Variants in PCSK5 observed in about 807,000 individuals in gnomAD.
The protein encoded by PCSK5 is proprotein convertase subtilisin/kexin type 5.
PCSK5 carries 129 observed loss-of-function variants against 233.2 expected under a neutral mutation model. That is an observed-to-expected ratio of 0.55 (90% CI 0.48 to 0.64). The LOEUF (loss-of-function observed/expected upper bound fraction) is 0.64. Ranked by LOEUF, PCSK5 falls within the 30% of genes least tolerant of loss-of-function variation. The pLI, the probability that PCSK5 is intolerant of heterozygous loss-of-function variation, is 0.00. For missense variants in PCSK5, 2,076 were observed against 2,430.1 expected, an observed-to-expected ratio of 0.85 and a Z score of 3.06; for synonymous variants, 825 against 879.2, an observed-to-expected ratio of 0.94 and a Z score of 1.09.
chr9:76,185,982 A>G lies in PCSK5; in HGVS notation c.2282+1225A>G, dbSNP rs114775590. 3.4e-3 allele frequency among the ~76,000 whole-genome samples: 524 copies of G among 152,354 alleles called. 2 individuals are homozygous for G. Among genetic ancestry groups the G allele is most frequent in the African/African-American group, 0.012 (508 of 41,588 alleles). ...TTTCTTAGGGAACATTGTATAGAGT[A>G]TGTTAAACCAGTGCATGCCGGTAGA... On this transcript the variant is annotated intron_variant, in intron 17 of 37. Coordinates refer to ENST00000674117, the MANE Select transcript of PCSK5 (RefSeq NM_001372043.1).
intron 8 of PCSK5, among the ~76,000 whole-genome samples, chr9:76,105,864 A>G (rs1831957059): frequency 6.6e-6 from 1 of 152,246 alleles, no homozygotes; most frequent in African/African-American, 2.4e-5. Flanking sequence ...AAGGATAGTA[A>G]GAACTTATGG....
At position 76,359,862 on chromosome 9, in the gene PCSK5, A is replaced by T. The variant is rs560220134; in HGVS notation, c.*940A>T. 69 of 152,294 alleles carry T rather than the reference A, an allele frequency of 4.5e-4. No homozygotes were observed. The highest frequency in any genetic ancestry group is 1.7e-3 in the African/African-American group (69 of 41,560). 9.4% of individuals were successfully genotyped at this position (152,294 alleles called of 1,614,324 possible). ...CACAAAACCGTGGACTCTCAATAGA[A>T]AGAGTTGGAATAGAGTCTAACATGG... On this transcript the variant is annotated 3_prime_UTR_variant, in exon 38 of 38. Transcript: ENST00000674117.
intron 10 of PCSK5, among the ~76,000 whole-genome samples, chr9:76,145,561 T>C (rs905374577): frequency 6.6e-6 from 1 of 152,208 alleles, no homozygotes; most frequent in Non-Finnish European, 1.5e-5. Context: ...AGAAACTCTC[T>C]TATTGAAATT....
At chr9:75,996,675 TAAG>T (rs1348014486) in intron 3 of PCSK5, among the ~76,000 whole-genome samples, 4 of 152,216 alleles carry the variant, frequency 2.6e-5, no homozygotes, top group African/African-American at 9.6e-5. Flanking sequence ...TACAACCTTT[TAAG>T]AATTTGCTTG....
chr9:76,210,037 G>C (rs1825270814), intron 20 of PCSK5, among the ~76,000 whole-genome samples: 1 of 152,130 alleles, frequency 6.6e-6, no homozygotes, highest in African/African-American at 2.4e-5. Context: ...TGGGGGACTG[G>C]AAGTCTCTTG....
chr9:76,035,114 ATTC>A (rs1828806202), intron 5 of PCSK5, among the ~76,000 whole-genome samples: 1 of 152,176 alleles, frequency 6.6e-6, no homozygotes, highest in Non-Finnish European at 1.5e-5. Context: ...CCTCGAATAA[ATTC>A]TTCTCAGGTT....
chr9:76,082,572 T>C (rs1360378407), intron 7 of PCSK5, among the ~76,000 whole-genome samples: 1 of 152,128 alleles, frequency 6.6e-6, no homozygotes, highest in East Asian at 1.9e-4. Flanking sequence ...TGTATAATGA[T>C]GAATAAATGT....
intron 20 of PCSK5, among the ~76,000 whole-genome samples, chr9:76,211,895 G>A (rs142514508): frequency 2.6e-5 from 4 of 152,134 alleles, no homozygotes; most frequent in African/African-American, 4.8e-5. Flanking sequence ...CACTTAGGTG[G>A]GTTGATACAA....
At chr9:75,921,582 ATG>A (rs76117177) in intron 1 of PCSK5, among the ~76,000 whole-genome samples, 16,030 of 150,726 alleles carry the variant, frequency 0.11, 1,266 homozygotes, top group African/African-American at 0.22. Flanking sequence ...GTGTGTGTGT[ATG>A]TGTGTGTGTG....
intron 9 of PCSK5, among the ~76,000 whole-genome samples, chr9:76,108,765 G>A (rs1358860237): frequency 1.3e-5 from 2 of 152,084 alleles, no homozygotes. Context: ...GAAAAGAAAA[G>A]AATCATGCTA....
chr9:76,238,721 T>C (rs1218147371), intron 22 of PCSK5, among the ~76,000 whole-genome samples: 4 of 152,202 alleles, frequency 2.6e-5, no homozygotes, highest in South Asian at 2.1e-4. Flanking sequence ...TCCCAGATAG[T>C]AGTCGCTGTT....
intron 10 of PCSK5, among the ~76,000 whole-genome samples, chr9:76,154,354 T>C (rs1216341431): frequency 1.3e-5 from 2 of 152,194 alleles, no homozygotes; most frequent in Admixed American, 1.3e-4. Context: ...TCTACTTAAG[T>C]GGTTAACAGG....
At chr9:76,118,178 C>T (rs557803318) in intron 9 of PCSK5, among the ~76,000 whole-genome samples, 2 of 152,068 alleles carry the variant, frequency 1.3e-5, no homozygotes, top group South Asian at 2.1e-4. Context: ...TCTGAGGAAT[C>T]GTAACATTGG....
At chr9:76,029,051 T>A (rs1828549132) in intron 5 of PCSK5, among the ~76,000 whole-genome samples, 1 of 152,164 alleles carries the variant, frequency 6.6e-6, no homozygotes, top group Non-Finnish European at 1.5e-5. Context: ...TGTCGATCAC[T>A]CTGGCTTCTT....
intron 2 of PCSK5, among the ~76,000 whole-genome samples, chr9:75,965,983 C>T (rs7868764): frequency 0.021 from 3,169 of 152,204 alleles, 72 homozygotes; most frequent in African/African-American, 0.041. Context: ...ATCAGGGACA[C>T]ATTATAGACA....
intron 2 of PCSK5, among the ~76,000 whole-genome samples, chr9:75,949,764 T>A (rs1370569572): frequency 6.6e-6 from 1 of 152,094 alleles, no homozygotes; most frequent in East Asian, 1.9e-4. Context: ...TTGACTGTGA[T>A]CCGCCCACCT....
At chr9:76,300,407 C>A (rs1347608336) in intron 27 of PCSK5, among the ~76,000 whole-genome samples, 1 of 152,098 alleles carries the variant, frequency 6.6e-6, no homozygotes, top group Non-Finnish European at 1.5e-5. Context: ...GCCAGTAGGA[C>A]AAAGGAAGCA....
chr9:76,346,892 G>A (rs2258952), intron 35 of PCSK5, among the ~76,000 whole-genome samples: 131,055 of 152,006 alleles, frequency 0.86, 56,637 homozygotes, highest in South Asian at 0.9. Context: ...CTGCCCAATA[G>A]TTTTAGGATG....
In PCSK5 at chr9:76,107,334, G is replaced by A. The variant is rs530416821; in HGVS notation, c.1191G>A (p.Ala397=). The change falls in exon 9 of 38, where the codon GCG becomes GCA. Residue 397 remains alanine (A), a synonymous_variant. Transcript: ENST00000674117. ...CCCCCATGGCTGCAGGCATCATTGC[G>A]CTGGCCCTGGAAGCCAAGTAAGCCT... ...ASAPMAAGII[A]LALEANPFLT... The A allele has an allele frequency of 8.1e-6, 13 of 1,612,888 alleles. No individual in the cohort carries two copies. Among genetic ancestry groups the A allele is most frequent in the South Asian group, 5.5e-5 (5 of 91,048 alleles).
Sources: allele counts gnomAD v4.1 joint callset (sites outside exome capture counted in the v4.1 genomes callset), GRCh38; gene constraint gnomAD v4.1.1; transcripts MANE v1.5; gene names NCBI Gene and HGNC (gene_info 2026-07-23, HGNC 2026-07-21).